Variants in PSMD3 observed in about 807,000 individuals in gnomAD.
The protein encoded by PSMD3 is proteasome 26S subunit, non-ATPase 3.
Under a neutral mutation model 62.8 loss-of-function variants are expected in PSMD3, and 5 were observed. The ratio of observed to expected loss-of-function variants is 0.08; its 90% CI spans 0.04 to 0.17. The LOEUF (loss-of-function observed/expected upper bound fraction) is 0.17. PSMD3 is among the 10% of genes least tolerant of loss of function. PSMD3 has a pLI of 1.00. For missense variants in PSMD3, 524 were observed against 713.6 expected, an observed-to-expected ratio of 0.73 and a Z score of 3.03; for synonymous variants, 265 against 283.9, an observed-to-expected ratio of 0.93 and a Z score of 0.67.
At chr17:39,991,481 T>G (rs1305916553) in intron 6 of PSMD3, among the ~76,000 whole-genome samples, 2 of 152,126 alleles carry the variant, frequency 1.3e-5, no homozygotes, top group African/African-American at 4.8e-5. Context: ...TTAGAGTATT[T>G]CAAAGAGATA....
At chr17:39,985,327 C>T (rs1051154204) in intron 2 of PSMD3, among the ~76,000 whole-genome samples, 2 of 152,336 alleles carry the variant, frequency 1.3e-5, no homozygotes, top group South Asian at 2.1e-4. Context: ...CGAGTGACTT[C>T]ATTTTGCTGT....
chr17:39,985,616 T>G (rs1451693038), intron 2 of PSMD3, among the ~76,000 whole-genome samples: 1 of 152,214 alleles, frequency 6.6e-6, no homozygotes, highest in African/African-American at 2.4e-5. Flanking sequence ...GCTCCGTGGA[T>G]GGGGAAACTC....
In PSMD3 at chr17:39,996,349, C is replaced by T. The variant is rs775405181; in HGVS notation, c.1476+11C>T. On this transcript the variant is annotated intron_variant, in intron 10 of 11. Coordinates refer to ENST00000264639, the MANE Select transcript of PSMD3 (RefSeq NM_002809.4). The surrounding 1 kb of genome is among the most constrained non-coding windows in gnomAD (Gnocchi z 5.1). ...AACATGTCTGTCAAGGTGAGAAGCC[C>T]GTGGCTGCAGAGTCACGCCTGGCAG... is the stretch of plus-strand genomic sequence containing the variant. The T allele has an allele frequency of 9.3e-6, 15 of 1,612,398 alleles. No homozygotes were observed. Among genetic ancestry groups the T allele is most frequent in the Admixed American group, 8.4e-5 (5 of 59,872 alleles).
At position 39,980,850 on chromosome 17, in the gene PSMD3, C is replaced by G. The variant is rs887517823; in HGVS notation, c.-121C>G. The G allele has an allele frequency of 4.4e-6, 4 of 911,182 alleles. No homozygotes were observed. In the African/African-American group the frequency reaches 5.3e-5, roughly 12 times the overall value. 56.4% of individuals were successfully genotyped at this position (911,182 alleles called of 1,614,324 possible). A position where few individuals can be genotyped will look rare whatever the true frequency, so the allele number is the denominator to read the frequency against. ...AAGGGGTTTGCAGCTGCTCCGTCATCGTGCGGCCCGACGCTATCTCGCGCT... is the reference window on the plus strand; with the variant it reads ...AAGGGGTTTGCAGCTGCTCCGTCATGGTGCGGCCCGACGCTATCTCGCGCT... On this transcript the variant is annotated 5_prime_UTR_variant, in exon 1 of 12. In the 5' UTR this introduces an upstream ATG that the reference lacks. Transcript: ENST00000264639.
chr17:39,987,330 T>C (rs1980549977), intron 3 of PSMD3, among the ~76,000 whole-genome samples: 1 of 152,174 alleles, frequency 6.6e-6, no homozygotes, highest in Non-Finnish European at 1.5e-5. Context: ...TTCCTTTCCT[T>C]ACCACACTAT....
chr17:39,990,227 C>CCCT, intron 6 of PSMD3, 30 bp downstream of exon 6: 2 of 1,381,422 alleles, frequency 1.4e-6, no homozygotes, highest in Non-Finnish European at 9.7e-7. Flanking sequence ...ATCCCTTTGC[C>CCCT]TCTTTTTTTT....
chr17:39,985,434 G>A (rs868532968), intron 2 of PSMD3, among the ~76,000 whole-genome samples: 2 of 152,348 alleles, frequency 1.3e-5, no homozygotes, highest in South Asian at 2.1e-4. Context: ...GAATGCAGAC[G>A]AAGTCAGTTT....
chr17:39,985,343 G>A lies in PSMD3; in HGVS notation c.411+859G>A, dbSNP rs942806109. Among the ~76,000 whole-genome samples the A allele has an allele frequency of 3.3e-5, 5 of 152,316 alleles. No individual in the cohort carries two copies. The East Asian group carries it at 9.6e-4, about 29-fold the overall frequency. ...GAGTGACTTCATTTTGCTGTGCCTC[G>A]TTTTCTTCATTTGTTAAACGTGATG... On this transcript the variant is annotated intron_variant, in intron 2 of 11. Transcript: ENST00000264639.
At chr17:39,994,727 G>C in intron 6 of PSMD3, 1 of 561,710 alleles carries the variant, frequency 1.8e-6, no homozygotes, top group South Asian at 2.1e-5. Context: ...TGACGGCTCT[G>C]CGACCAAATG....
Position 39,980,941 on chromosome 17 carries a change from TC to T in PSMD3, c.-26del. 1.3e-6 allele frequency: 2 copies of T among 1,483,454 alleles called. No individual in the cohort carries two copies. Among genetic ancestry groups the T allele is most frequent in the Non-Finnish European group, 8.9e-7 (1 of 1,120,070 alleles). The allele number at this position is 1,483,454 out of a possible 1,614,324, so 91.9% of individuals were successfully genotyped here. A position where few individuals can be genotyped will look rare whatever the true frequency, so the allele number is the denominator to read the frequency against. On this transcript the variant is annotated 5_prime_UTR_variant, in exon 1 of 12. Coordinates refer to ENST00000264639, the MANE Select transcript of PSMD3 (RefSeq NM_002809.4). Reference sequence around the variant, plus strand: ...GGTTAACGCGAGGCCCCGGCCTCGGTCCCCGGACTAGGCCGTGACCCCGGGT... The same window carrying T: ...GGTTAACGCGAGGCCCCGGCCTCGGTCCCGGACTAGGCCGTGACCCCGGGT...
chr17:39,997,802 C>T lies in PSMD3; in HGVS notation c.*221C>T, dbSNP rs773092777. ...GGCAGGAGGGTGGGCAGGCAACCTC[C>T]CCGGGCAGGGTCCTGGCCAGCAGTG... On this transcript the variant is annotated 3_prime_UTR_variant, in exon 12 of 12. Coordinates refer to ENST00000264639, the MANE Select transcript of PSMD3 (RefSeq NM_002809.4). The T allele has an allele frequency of 1.5e-5, 9 of 598,182 alleles. No homozygotes were observed. The highest frequency in any genetic ancestry group is 2.9e-5 in the Admixed American group (1 of 34,700). 37.1% of individuals were successfully genotyped at this position (598,182 alleles called of 1,614,324 possible). A position where few individuals can be genotyped will look rare whatever the true frequency, so the allele number is the denominator to read the frequency against.
chr17:39,994,961 A>C lies in PSMD3; in HGVS notation c.989A>C (p.Lys330Thr). ...CCCTGTCACTCTGTCCAGGTGCACA[A>C]GCTTCTCATCGTGGTGGAGCTGTTG... is the stretch of plus-strand genomic sequence containing the variant. ...TAVGFKQTVH[K>T]LLIVVELLLG... is the part of the protein sequence containing the mutation. The change falls in exon 7 of 12, where the codon AAG (lysine) becomes ACG (threonine). Residue 330 changes from lysine to threonine, a missense_variant. Transcript: ENST00000264639. 6.2e-7 allele frequency: 1 copy of C among 1,614,104 alleles called. No individual in the cohort carries two copies. Among genetic ancestry groups the C allele is most frequent in the Non-Finnish European group, 8.5e-7 (1 of 1,180,006 alleles).
Position 39,995,578 on chromosome 17 carries a change from T to C in PSMD3, c.1320+51T>C, listed in dbSNP as rs1324633639. On this transcript the variant is annotated intron_variant, in intron 9 of 11. Transcript: ENST00000264639. The surrounding 1 kb of genome is among the most constrained non-coding windows in gnomAD (Gnocchi z 4.1). ...GACCAGGTTGTCACTTTCCTGCCAA[T>C]CTCAGGAGGCAGGAGTGGGAGGAGT... The C allele has an allele frequency of 6.5e-7, 1 of 1,532,122 alleles. No individual in the cohort carries two copies. The highest frequency in any genetic ancestry group is 9.0e-7 in the Non-Finnish European group (1 of 1,106,236). The allele number at this position is 1,532,122 out of a possible 1,614,324, so 94.9% of individuals were successfully genotyped here.
chr17:39,996,286 C>T lies in PSMD3; in HGVS notation c.1424C>T (p.Ala475Val), dbSNP rs754581065. ...DIYSTREPQL[A>V]FHQRISFCLD... ...TATTCCACCCGAGAGCCCCAGCTAG[C>T]CTTCCACCAGCGCATCTCCTTCTGC... The change falls in exon 10 of 12, where the codon GCC becomes GTC. Residue 475 changes from alanine (A) to valine (V), a missense_variant. Physicochemically the swap from Ala to Val is moderately conservative, Grantham distance 64 (BLOSUM62 0). This residue lies in a region of PSMD3 where 76 missense variants were observed against 97.3 expected (regional missense o/e 0.78). Transcript: ENST00000264639. The surrounding 1 kb of genome is among the most constrained non-coding windows in gnomAD (Gnocchi z 5.1). 6 of 1,614,100 alleles carry T rather than the reference C, an allele frequency of 3.7e-6. 1 individual carries two copies. In the Middle Eastern group the frequency reaches 8.3e-4, roughly 223 times the overall value.
intron 6 of PSMD3, 54 bp downstream of exon 6, chr17:39,990,251 T>C: frequency 7.5e-7 from 1 of 1,336,626 alleles, no homozygotes; most frequent in Non-Finnish European, 1.0e-6. Flanking sequence ...TTTTTTTAAA[T>C]GGTGTCTTGC....
rs1381613832 is a variant in PSMD3, at chr17:39,995,051, A to G, written c.1079A>G (p.Tyr360Cys). The G allele has an allele frequency of 3.1e-6, 5 of 1,613,946 alleles. No homozygotes were observed. Among genetic ancestry groups the G allele is most frequent in the African/African-American group, 1.3e-5 (1 of 74,958 alleles). ...QPSLKRSLMPYFLLTQAVRTG... is the reference protein window; with the variant it reads ...QPSLKRSLMPCFLLTQAVRTG... The stretch of plus-strand genomic sequence containing the variant: ...TCCCTCAAGCGCTCACTCATGCCCT[A>G]TTTCCTTCTGACTCAAGGTAAGGCT... Residue 360 changes from tyrosine to cysteine, a missense_variant, in exon 7 of 12, where the codon TAT becomes TGT. Transcript: ENST00000264639. The surrounding 1 kb of genome is among the most constrained non-coding windows in gnomAD (Gnocchi z 4.1).
chr17:39,996,213 A>G lies in PSMD3; in HGVS notation c.1351A>G (p.Ile451Val), dbSNP rs778646666. ...AIRDGVIEASINHEKGYVQSK... is the reference protein window; with the variant it reads ...AIRDGVIEASVNHEKGYVQSK... ...CCGGGATGGTGTCATTGAGGCCAGC[A>G]TCAACCACGAGAAGGGCTATGTCCA... is the stretch of plus-strand genomic sequence containing the variant. Residue 451 changes from isoleucine to valine, a missense_variant, in exon 10 of 12, where the codon ATC (isoleucine) becomes GTC (valine). Ile to Val is a conservative substitution (Grantham distance 29, BLOSUM62 3). Coordinates refer to ENST00000264639, the MANE Select transcript of PSMD3 (RefSeq NM_002809.4). The surrounding 1 kb of genome is among the most constrained non-coding windows in gnomAD (Gnocchi z 5.1). 5 of 1,613,966 alleles carry G rather than the reference A, an allele frequency of 3.1e-6. No homozygotes were observed. The South Asian group carries it at 4.4e-5, about 14-fold the overall frequency.
chr17:39,992,213 T>C (rs1247778728), intron 6 of PSMD3, among the ~76,000 whole-genome samples: 4 of 152,114 alleles, frequency 2.6e-5, no homozygotes, highest in Non-Finnish European at 1.5e-5. Flanking sequence ...AAATGTGTCA[T>C]GTACCATGAG....
At chr17:39,988,436 T>C (rs1320059333) in intron 3 of PSMD3, among the ~76,000 whole-genome samples, 1 of 152,182 alleles carries the variant, frequency 6.6e-6, no homozygotes, top group Non-Finnish European at 1.5e-5. Context: ...GGCTGAGTAA[T>C]ATTCCCTCGT....
Sources: gnomAD v4.1 joint callset for allele counts (sites outside exome capture counted in the v4.1 genomes callset) on GRCh38, gnomAD v4.1.1 for gene constraint, gnomAD v4.1.1 regional missense constraint, Gnocchi (gnomAD v3.1) non-coding constraint, MANE v1.5 for transcripts, NCBI Gene and HGNC (gene_info 2026-07-23, HGNC 2026-07-21) for gene names.